The following XKR9 variants were observed in gnomAD, a reference collection of about 807,000 sequenced individuals.
XKR9 encodes the protein XK-related protein 9.
Under a neutral mutation model 32.0 loss-of-function variants are expected in XKR9, and 32 were observed. The ratio of observed to expected loss-of-function variants is 1.00; its 90% confidence interval spans 0.76 to 1.34. XKR9 has a LOEUF of 1.34. Ranked by LOEUF, XKR9 falls within the 40% of genes most tolerant of loss-of-function variation. The pLI, the probability that XKR9 is intolerant of heterozygous loss-of-function variation, is 0.00. For missense variants in XKR9, 546 were observed against 429.7 expected, an observed-to-expected ratio of 1.27 and a Z score of -2.39; for synonymous variants, 168 against 143.4, an observed-to-expected ratio of 1.17 and a Z score of -1.22.
the XKR9 span, among the ~76,000 whole-genome samples, chr8:70,912,447 A>C: frequency 2.6e-4 from 40 of 152,246 alleles, no homozygotes; most frequent in African/African-American, 9.6e-4. Context: ...AGGATTTGAA[A>C]GTCTTCTGGA....
At chr8:71,020,292 T>C in the XKR9 span, among the ~76,000 whole-genome samples, 3 of 152,228 alleles carry the variant, frequency 2.0e-5, no homozygotes, top group Non-Finnish European at 4.4e-5. Context: ...CCATATGGCC[T>C]AGGTCATTCT....
the XKR9 span, among the ~76,000 whole-genome samples, chr8:70,908,028 A>C: frequency 6.6e-6 from 1 of 152,222 alleles, no homozygotes; most frequent in African/African-American, 2.4e-5. Flanking sequence ...AAACTTTATT[A>C]AGTTAATCTC....
the XKR9 span, among the ~76,000 whole-genome samples, chr8:70,888,188 T>C: frequency 2.0e-5 from 3 of 151,966 alleles, no homozygotes; most frequent in Admixed American, 6.6e-5. Context: ...TGTTAACCAG[T>C]CTCTTAGTGA....
the XKR9 span, among the ~76,000 whole-genome samples, chr8:70,932,449 T>G: frequency 2.6e-5 from 4 of 152,082 alleles, no homozygotes; most frequent in African/African-American, 9.7e-5. Context: ...GCCATAATAG[T>G]GATGTGAAGT....
chr8:70,811,734 A>C, the XKR9 span, among the ~76,000 whole-genome samples: 22 of 152,230 alleles, frequency 1.4e-4, no homozygotes, highest in Non-Finnish European at 2.4e-4. Context: ...TCCCAAGACT[A>C]AACCAGGAAG....
chr8:71,041,942 T>C, the XKR9 span, among the ~76,000 whole-genome samples: 10 of 152,158 alleles, frequency 6.6e-5, no homozygotes, highest in African/African-American at 2.4e-4. Flanking sequence ...TGGACTAATA[T>C]GGACTCTAAC....
At chr8:70,984,254 G>A in the XKR9 span, among the ~76,000 whole-genome samples, 1 of 152,162 alleles carries the variant, frequency 6.6e-6, no homozygotes, top group Admixed American at 6.5e-5. Context: ...CTCAGAGGTA[G>A]GCAATTCTGC....
At chr8:70,854,619 T>A in the XKR9 span, among the ~76,000 whole-genome samples, 12 of 152,182 alleles carry the variant, frequency 7.9e-5, no homozygotes, top group Non-Finnish European at 1.8e-4. Flanking sequence ...CTGAATGGTA[T>A]TGCCCAGGTT....
the XKR9 span, among the ~76,000 whole-genome samples, chr8:70,887,139 A>G: frequency 6.6e-6 from 1 of 152,168 alleles, no homozygotes; most frequent in Non-Finnish European, 1.5e-5. Context: ...TTTTCTGCAT[A>G]TGGCTAGCCA....
At chr8:71,010,828 A>G in the XKR9 span, among the ~76,000 whole-genome samples, 1 of 152,172 alleles carries the variant, frequency 6.6e-6, no homozygotes, top group African/African-American at 2.4e-5. Context: ...AAAGCAGAGG[A>G]CCAAAACAAT....
At chr8:70,715,645 A>G (rs758424018) in intron 4 of XKR9, among the ~76,000 whole-genome samples, 17 of 152,180 alleles carry the variant, frequency 1.1e-4, no homozygotes, top group Non-Finnish European at 2.2e-4. Flanking sequence ...GTGAATAAAA[A>G]TAGCTCACAT....
the XKR9 span, among the ~76,000 whole-genome samples, chr8:70,894,601 A>C: frequency 6.6e-6 from 1 of 152,058 alleles, no homozygotes; most frequent in Non-Finnish European, 1.5e-5. Context: ...CCCAGGCACC[A>C]TTTCCCTGGG....
chr8:70,878,010 A>T, the XKR9 span, among the ~76,000 whole-genome samples: 1 of 152,216 alleles, frequency 6.6e-6, no homozygotes, highest in African/African-American at 2.4e-5. Context: ...AATATTCAAC[A>T]TTCTTAACAA....
chr8:71,013,210 G>C, the XKR9 span, among the ~76,000 whole-genome samples: 1 of 152,190 alleles, frequency 6.6e-6, no homozygotes, highest in Non-Finnish European at 1.5e-5. Flanking sequence ...AGAGTATCTA[G>C]AGGAATGGAG....
At chr8:70,706,742 A>G (rs1043311191) in intron 3 of XKR9, among the ~76,000 whole-genome samples, 191 bp from the exon 4 acceptor site, 5 of 152,118 alleles carry the variant, frequency 3.3e-5, no homozygotes, top group African/African-American at 4.8e-5. Flanking sequence ...CAAACATACA[A>G]TAAAGGTTTA....
At chr8:70,874,072 T>G in the XKR9 span, among the ~76,000 whole-genome samples, 2 of 152,190 alleles carry the variant, frequency 1.3e-5, no homozygotes, top group African/African-American at 4.8e-5. Flanking sequence ...AAAATATTTT[T>G]AAATTAAGGT....
the XKR9 span, among the ~76,000 whole-genome samples, chr8:70,983,530 C>T: frequency 6.6e-6 from 1 of 152,148 alleles, no homozygotes; most frequent in African/African-American, 2.4e-5. Context: ...CCTGTAATCC[C>T]AGCACTTTGG....
the XKR9 span, among the ~76,000 whole-genome samples, chr8:71,015,974 G>A: frequency 1.1e-3 from 163 of 152,102 alleles, 1 homozygote; most frequent in Middle Eastern, 6.8e-3. Context: ...TAATAAGGCA[G>A]CCAAAAGTCA....
the XKR9 span, among the ~76,000 whole-genome samples, chr8:70,804,548 A>G: frequency 6.6e-6 from 1 of 152,230 alleles, no homozygotes; most frequent in Non-Finnish European, 1.5e-5. Flanking sequence ...CTGTTATTAG[A>G]TAAAAACTGG....
Sources: gnomAD v4.1 joint callset for allele counts (sites outside exome capture counted in the v4.1 genomes callset) on GRCh38, gnomAD v4.1.1 for gene constraint, MANE v1.5 for transcripts, NCBI Gene and HGNC (gene_info 2026-07-23, HGNC 2026-07-21) for gene names.